Variants in UGGT2 observed in about 807,000 individuals in gnomAD.
UGGT2 encodes the protein UDP-glucose glycoprotein glucosyltransferase 2, also known as UDP-glucose:glycoprotein glucosyltransferase 2.
Under a neutral mutation model 192.1 loss-of-function variants are expected in UGGT2, and 180 were observed. The observed-to-expected ratio is 0.94, with a 90% CI of 0.83 to 1.06. The LOEUF is 1.06. UGGT2 is among the 50% of genes least tolerant of loss of function. The pLI is 0.00. For synonymous variants in UGGT2, 580 were observed against 591.0 expected (o/e 0.98, Z 0.27); for missense variants, 1,849 against 1,795.7 (o/e 1.03, Z -0.54).
intron 36 of UGGT2, among the ~76,000 whole-genome samples, chr13:95,849,056 T>C (rs1281638061): frequency 6.6e-6 from 1 of 152,220 alleles, no homozygotes; most frequent in Non-Finnish European, 1.5e-5. Context: ...TTTTTAATTT[T>C]AAATTCCACT....
intron 3 of UGGT2, 135 bp from the exon 4 acceptor site, chr13:96,023,287 A>G: frequency 3.1e-6 from 2 of 650,306 alleles, no homozygotes; most frequent in South Asian, 5.6e-5. Flanking sequence ...GTAAAAAAAC[A>G]TCTATACGTA....
chr13:95,957,810 C>G (rs755099057), intron 12 of UGGT2, among the ~76,000 whole-genome samples: 1 of 152,202 alleles, frequency 6.6e-6, no homozygotes, highest in Non-Finnish European at 1.5e-5. Context: ...TCTCAGCATT[C>G]TTTTCTACAA....
intron 29 of UGGT2, among the ~76,000 whole-genome samples, chr13:95,869,445 T>A (rs1891025861): frequency 6.6e-6 from 1 of 152,158 alleles, no homozygotes; most frequent in Admixed American, 6.5e-5. Flanking sequence ...TAGTTCTAGA[T>A]CCCTCAGGAA....
intron 30 of UGGT2, among the ~76,000 whole-genome samples, chr13:95,864,323 T>C (rs913983304): frequency 6.6e-6 from 1 of 152,190 alleles, no homozygotes; most frequent in Non-Finnish European, 1.5e-5. Flanking sequence ...TTTAGTTCAG[T>C]AGACATAATT....
intron 31 of UGGT2, among the ~76,000 whole-genome samples, chr13:95,862,260 C>T (rs1033594769): frequency 7.9e-5 from 12 of 152,142 alleles, no homozygotes; most frequent in African/African-American, 2.9e-4. Context: ...GATAGAAGTG[C>T]TTTTGACTAC....
intron 38 of UGGT2, among the ~76,000 whole-genome samples, chr13:95,827,610 A>T (rs1886176153): frequency 6.6e-6 from 1 of 152,200 alleles, no homozygotes; most frequent in South Asian, 2.1e-4. Context: ...GTGTTATAGC[A>T]GCCCTAGCAA....
At chr13:95,999,161 A>G in intron 6 of UGGT2, 50 bp downstream of exon 6, 1 of 1,511,966 alleles carries the variant, frequency 6.6e-7, no homozygotes, top group Non-Finnish European at 9.2e-7. Context: ...TAAAGTATGT[A>G]AAAGCCTCCA....
intron 17 of UGGT2, among the ~76,000 whole-genome samples, chr13:95,933,954 G>T (rs1481449868): frequency 6.6e-6 from 1 of 152,160 alleles, no homozygotes; most frequent in Non-Finnish European, 1.5e-5. Flanking sequence ...AAAGTGCTGG[G>T]ATTACAGGCG....
At chr13:95,961,040 T>C (rs2050375680) in intron 12 of UGGT2, among the ~76,000 whole-genome samples, 1 of 151,722 alleles carries the variant, frequency 6.6e-6, no homozygotes, top group African/African-American at 2.4e-5. Flanking sequence ...CTTAAGGGAG[T>C]CCTATACCCA....
At chr13:95,833,152 A>G in intron 37 of UGGT2, 99 bp from the exon 38 acceptor site, 1 of 1,371,472 alleles carries the variant, frequency 7.3e-7, no homozygotes, top group South Asian at 1.4e-5. Flanking sequence ...TTTTATAAAA[A>G]GCAGAGTCCT....
At chr13:95,972,324 T>C (rs1186222948) in intron 11 of UGGT2, among the ~76,000 whole-genome samples, 1 of 152,178 alleles carries the variant, frequency 6.6e-6, no homozygotes, top group Non-Finnish European at 1.5e-5. Context: ...TACTCTTCAA[T>C]AAGAGACAGT....
At chr13:95,942,221 GGTGTGTGTGTGTGTGTGTGT>G (rs370041064) in intron 15 of UGGT2, among the ~76,000 whole-genome samples, 10 of 117,992 alleles carry the variant, frequency 8.5e-5, no homozygotes, top group Admixed American at 1.6e-4. Context: ...TTAGGGTGAG[GGTGTGTGTGTGTGTGTGTGT>G]GTGTGTGTGT....
intron 34 of UGGT2, among the ~76,000 whole-genome samples, chr13:95,855,106 TAAAAAAAAAAAAAAAAAA>T (rs10713359): frequency 1.0e-4 from 5 of 49,918 alleles, no homozygotes; most frequent in Non-Finnish European, 1.4e-4. Flanking sequence ...ACCCTGTCTG[TAAAAAAAAAAAAAAAAAA>T]AAAAAAAAAA....
chr13:95,854,844 A>G (rs1889424873), intron 34 of UGGT2, among the ~76,000 whole-genome samples: 1 of 152,106 alleles, frequency 6.6e-6, no homozygotes, highest in Non-Finnish European at 1.5e-5. Flanking sequence ...ATTCCATGCC[A>G]AATCTCCATT....
intron 6 of UGGT2, 61 bp from the exon 7 acceptor site, chr13:95,996,196 T>C (rs2051613964): frequency 6.8e-7 from 1 of 1,477,438 alleles, no homozygotes; most frequent in African/African-American, 1.4e-5. Flanking sequence ...GAAAAGAACA[T>C]GTAATCAAAA....
intron 1 of UGGT2, among the ~76,000 whole-genome samples, chr13:96,038,004 A>G (rs1032895430): frequency 1.3e-5 from 2 of 152,238 alleles, no homozygotes; most frequent in African/African-American, 4.8e-5. Context: ...GTATAGAGAG[A>G]AAGATTTTAG....
At chr13:96,031,042 T>C (rs144573593) in intron 2 of UGGT2, among the ~76,000 whole-genome samples, 22 of 152,284 alleles carry the variant, frequency 1.4e-4, no homozygotes, top group Non-Finnish European at 2.4e-4. Flanking sequence ...ATGTAAACTA[T>C]GGACCTTGCG....
At chr13:95,913,339 T>C (rs1417811266) in intron 20 of UGGT2, among the ~76,000 whole-genome samples, 3 of 152,108 alleles carry the variant, frequency 2.0e-5, no homozygotes, top group Non-Finnish European at 2.9e-5. Context: ...AATCTACCCA[T>C]CTGACAAAGG....
intron 10 of UGGT2, among the ~76,000 whole-genome samples, chr13:95,976,744 A>C (rs776708733): frequency 3.3e-5 from 5 of 152,218 alleles, no homozygotes; most frequent in Non-Finnish European, 5.9e-5. Context: ...CCGTATAGCC[A>C]AGACAATCCA....
Sources: allele counts gnomAD v4.1 joint callset (sites outside exome capture counted in the v4.1 genomes callset), GRCh38; gene constraint gnomAD v4.1.1; transcripts MANE v1.5; gene names NCBI Gene and HGNC (gene_info 2026-07-23, HGNC 2026-07-21).